Variants in DIAPH3 observed in about 807,000 individuals in gnomAD.
DIAPH3 encodes the protein protein diaphanous homolog 3.
In DIAPH3, 117 loss-of-function variants were observed where a neutral mutation model predicts 144.3. The ratio of observed to expected loss-of-function variants is 0.81; its 90% CI spans 0.70 to 0.95. The LOEUF (loss-of-function observed/expected upper bound fraction) is 0.95. Ranked by LOEUF, DIAPH3 falls within the 40% of genes least tolerant of loss-of-function variation. The pLI is 0.00. For synonymous variants in DIAPH3, 519 were observed against 488.9 expected (o/e 1.06, Z -0.81); for missense variants, 1,421 against 1,412.7 (o/e 1.01, Z -0.09).
At chr13:60,030,963 C>G (rs747224185) in intron 5 of DIAPH3, among the ~76,000 whole-genome samples, 3 of 152,182 alleles carry the variant, frequency 2.0e-5, no homozygotes, top group Non-Finnish European at 4.4e-5. Context: ...CAGGTGATAT[C>G]AGTGGCTCTA....
At chr13:60,033,157 C>T (rs2054930575) in intron 5 of DIAPH3, among the ~76,000 whole-genome samples, 1 of 152,208 alleles carries the variant, frequency 6.6e-6, no homozygotes, top group Non-Finnish European at 1.5e-5. Context: ...ATTTCACTGT[C>T]CATATTACTA....
intron 4 of DIAPH3, among the ~76,000 whole-genome samples, chr13:60,069,746 G>A (rs189172116): frequency 3.3e-5 from 5 of 152,044 alleles, no homozygotes; most frequent in East Asian, 3.9e-4. Context: ...CTTTCCCTAC[G>A]GCTCGTTATT....
intron 1 of DIAPH3, among the ~76,000 whole-genome samples, chr13:60,141,940 C>A (rs1450818189): frequency 2.0e-5 from 3 of 152,134 alleles, no homozygotes; most frequent in Non-Finnish European, 4.4e-5. Context: ...GCTAAGGTGT[C>A]ATCTATATGG....
At chr13:60,028,048 C>T (rs1004834855) in intron 5 of DIAPH3, among the ~76,000 whole-genome samples, 3 of 152,076 alleles carry the variant, frequency 2.0e-5, no homozygotes, top group African/African-American at 7.3e-5. Context: ...TGCTCCCCTC[C>T]ACAGAACTGC....
At chr13:59,859,415 A>C (rs1435159425) in intron 22 of DIAPH3, among the ~76,000 whole-genome samples, 1 of 152,194 alleles carries the variant, frequency 6.6e-6, no homozygotes, top group Admixed American at 6.5e-5. Flanking sequence ...ATCAAAGGTA[A>C]ATATTTTTAA....
At chr13:59,779,146 C>T (rs1336921090) in intron 25 of DIAPH3, among the ~76,000 whole-genome samples, 1 of 152,198 alleles carries the variant, frequency 6.6e-6, no homozygotes, top group Non-Finnish European at 1.5e-5. Flanking sequence ...TGCTCTCATC[C>T]TCCAGAGCAG....
chr13:60,125,348 G>A (rs1317942314), intron 2 of DIAPH3, among the ~76,000 whole-genome samples: 1 of 149,824 alleles, frequency 6.7e-6, no homozygotes, highest in Non-Finnish European at 1.5e-5. Flanking sequence ...CAAGTAGCTA[G>A]GACTAGGACT....
At chr13:59,691,450 G>A (rs2033517598) in intron 27 of DIAPH3, among the ~76,000 whole-genome samples, 1 of 152,172 alleles carries the variant, frequency 6.6e-6, no homozygotes, top group South Asian at 2.1e-4. Flanking sequence ...TAAAAGACCA[G>A]TAGTTAAAAT....
chr13:59,928,822 G>A (rs956153588), intron 17 of DIAPH3, among the ~76,000 whole-genome samples: 9 of 152,220 alleles, frequency 5.9e-5, no homozygotes, highest in Admixed American at 1.3e-4. Flanking sequence ...CTTCATCCCC[G>A]GGGCAGCAAA....
At chr13:59,973,032 G>A (rs989252010) in intron 15 of DIAPH3, among the ~76,000 whole-genome samples, 3 of 152,110 alleles carry the variant, frequency 2.0e-5, no homozygotes, top group African/African-American at 7.2e-5. Flanking sequence ...TGAATATGGT[G>A]GCCAATATTA....
intron 27 of DIAPH3, among the ~76,000 whole-genome samples, chr13:59,732,672 G>C (rs1441530753): frequency 6.6e-6 from 1 of 151,938 alleles, no homozygotes; most frequent in Admixed American, 6.6e-5. Context: ...CAAACTGCTA[G>C]ACTCAAGCAA....
intron 25 of DIAPH3, among the ~76,000 whole-genome samples, chr13:59,781,897 A>G (rs1400990896): frequency 6.6e-6 from 1 of 152,162 alleles, no homozygotes; most frequent in Non-Finnish European, 1.5e-5. Flanking sequence ...AAGAGGTTCA[A>G]GGAAGCTGTT....
chr13:60,018,747 T>C (rs2053820324), intron 5 of DIAPH3, among the ~76,000 whole-genome samples: 1 of 152,110 alleles, frequency 6.6e-6, no homozygotes, highest in Non-Finnish European at 1.5e-5. Context: ...AGTTGGGCAA[T>C]GGCCTTCTGA....
At chr13:59,925,515 T>C (rs1055572836) in intron 17 of DIAPH3, among the ~76,000 whole-genome samples, 7 of 152,216 alleles carry the variant, frequency 4.6e-5, no homozygotes, top group African/African-American at 1.7e-4. Flanking sequence ...CTAAGTTTTC[T>C]TTTTATGTTG....
At chr13:60,096,470 A>AT (rs1318220334) in intron 3 of DIAPH3, among the ~76,000 whole-genome samples, 1 of 152,176 alleles carries the variant, frequency 6.6e-6, no homozygotes. Flanking sequence ...GGGTTGGTTA[A>AT]TTTTAGGTGT....
chr13:59,723,029 T>C (rs2035419770), intron 27 of DIAPH3, among the ~76,000 whole-genome samples: 1 of 152,134 alleles, frequency 6.6e-6, no homozygotes, highest in South Asian at 2.1e-4. Context: ...TCCTATTTGG[T>C]AGTGATGAGG....
intron 1 of DIAPH3, among the ~76,000 whole-genome samples, chr13:60,151,792 G>A (rs1420000459): frequency 6.6e-6 from 1 of 152,006 alleles, no homozygotes; most frequent in Non-Finnish European, 1.5e-5. Context: ...GTTAGAACAT[G>A]GTTTTAATTG....
intron 25 of DIAPH3, among the ~76,000 whole-genome samples, chr13:59,810,188 C>T (rs763045849): frequency 1.3e-5 from 2 of 151,960 alleles, no homozygotes; most frequent in African/African-American, 2.4e-5. Flanking sequence ...GAAACAAAAT[C>T]TCACTCTGTC....
At chr13:60,045,777 GAATA>G (rs989171544) in intron 4 of DIAPH3, among the ~76,000 whole-genome samples, 14 of 152,100 alleles carry the variant, frequency 9.2e-5, no homozygotes, top group African/African-American at 3.1e-4. Context: ...AACCACAACT[GAATA>G]AATAGATTTT....
Sources: allele counts gnomAD v4.1 joint callset (sites outside exome capture counted in the v4.1 genomes callset), GRCh38; gene constraint gnomAD v4.1.1; transcripts MANE v1.5; gene names NCBI Gene and HGNC (gene_info 2026-07-23, HGNC 2026-07-21).